LDLRAD4: variants seen among roughly 807,000 people sequenced by gnomAD.
The protein encoded by LDLRAD4 is low density lipoprotein receptor class A domain containing 4, also known as low-density lipoprotein receptor class A domain-containing protein 4.
LDLRAD4 carries 5 observed loss-of-function variants against 17.0 expected under a neutral mutation model. The ratio of observed to expected loss-of-function variants is 0.29; its 90% confidence interval spans 0.15 to 0.62. The LOEUF is 0.62. Among genes scored for constraint, LDLRAD4 ranks in the 20% least tolerant of loss-of-function variants. LDLRAD4 has a pLI of 0.84. For missense variants in LDLRAD4, 340 were observed against 424.7 expected (o/e 0.80, Z 1.75); for synonymous variants, 168 against 171.8 (o/e 0.98, Z 0.17).
In LDLRAD4 at chr18:13,504,758, T is replaced by C. The variant is rs147227632; in HGVS notation, c.181+66374T>C. Reference sequence around the variant, plus strand: ...TTCTGTATTTTTAGAATACACACTTTCTCTTCCGAGAGAGGCATGGGTGTG... The same window carrying C: ...TTCTGTATTTTTAGAATACACACTTCCTCTTCCGAGAGAGGCATGGGTGTG... On this transcript the variant is annotated intron_variant, in intron 3 of 5. Coordinates refer to ENST00000359446, the Ensembl canonical transcript of LDLRAD4. 3.2e-3 allele frequency among the ~76,000 whole-genome samples: 482 copies of C among 152,282 alleles called. 2 individuals are homozygous for C. The highest frequency in any genetic ancestry group is 0.011 in the African/African-American group (466 of 41,564).
At chr18:13,278,670 C>T (rs951871379) in intron 1 of LDLRAD4, among the ~76,000 whole-genome samples, 6 of 151,986 alleles carry the variant, frequency 3.9e-5, no homozygotes, top group Non-Finnish European at 7.4e-5. Context: ...CCATTTTTTT[C>T]CCTATATTTT....
chr18:13,556,926 G>A (rs1363258289), intron 3 of LDLRAD4, among the ~76,000 whole-genome samples: 1 of 152,172 alleles, frequency 6.6e-6, no homozygotes, highest in Non-Finnish European at 1.5e-5. Flanking sequence ...TATAAAGGGT[G>A]ATTAATAGAT....
At chr18:13,640,184 T>A (rs1038066364) in intron 4 of LDLRAD4, among the ~76,000 whole-genome samples, 1 of 150,114 alleles carries the variant, frequency 6.7e-6, no homozygotes, top group Admixed American at 6.7e-5. Context: ...TCCCATCTAC[T>A]CGGTAGGCTG....
At chr18:13,563,421 C>T (rs1173081462) in intron 3 of LDLRAD4, among the ~76,000 whole-genome samples, 1 of 152,132 alleles carries the variant, frequency 6.6e-6, no homozygotes, top group African/African-American at 2.4e-5. Flanking sequence ...TATTGCATGT[C>T]CTGACTCCCC....
rs12232654 is a variant in LDLRAD4 at position 13,436,872 on chromosome 18, G to A, written c.41-1372G>A. ...CATGTTATTCTAAACTAGGTCAGCA[G>A]CTCGGCTGGTTTCTTTTTCTATACT... On this transcript the variant is annotated intron_variant, in intron 2 of 5. Transcript: ENST00000359446. Among the ~76,000 whole-genome samples, 858 of 152,348 alleles carry A rather than the reference G, an allele frequency of 5.6e-3. 26 individuals carry two copies. The East Asian group carries it at 0.11, about 20-fold the overall frequency.
At chr18:13,399,727 C>T (rs1488331955) in intron 2 of LDLRAD4, among the ~76,000 whole-genome samples, 3 of 152,186 alleles carry the variant, frequency 2.0e-5, no homozygotes, top group South Asian at 2.1e-4. Context: ...GCAGCATTAT[C>T]GGAATTCCTG....
At chr18:13,583,405 C>T (rs571669152) in intron 3 of LDLRAD4, among the ~76,000 whole-genome samples, 7 of 152,080 alleles carry the variant, frequency 4.6e-5, no homozygotes, top group Admixed American at 3.3e-4. Flanking sequence ...CTTTTGTTAC[C>T]GAGACCTAGG....
chr18:13,282,617 C>A (rs1008400397), intron 1 of LDLRAD4, among the ~76,000 whole-genome samples: 12 of 152,240 alleles, frequency 7.9e-5, no homozygotes, highest in African/African-American at 2.9e-4. Flanking sequence ...TGGCCTTGGG[C>A]AGCTCCACTC....
chr18:13,325,049 G>A (rs2143513981), intron 1 of LDLRAD4, among the ~76,000 whole-genome samples: 2 of 152,328 alleles, frequency 1.3e-5, no homozygotes, highest in South Asian at 4.1e-4. Flanking sequence ...CAGGGCGGCA[G>A]AGGGATGATT....
chr18:13,552,684 C>A (rs771542946), intron 3 of LDLRAD4, among the ~76,000 whole-genome samples: 1 of 152,270 alleles, frequency 6.6e-6, no homozygotes, highest in Admixed American at 6.5e-5. Context: ...CTCTTTCTTC[C>A]GTGTTGTATC....
chr18:13,613,426 G>A (rs1317717022), intron 3 of LDLRAD4: 2 of 152,184 alleles, frequency 1.3e-5, no homozygotes, highest in Non-Finnish European at 2.9e-5. Context: ...GGAGGTGAGG[G>A]TGGATTTTAA....
At chr18:13,474,446 C>A (rs567031689) in intron 3 of LDLRAD4, among the ~76,000 whole-genome samples, 1 of 152,210 alleles carries the variant, frequency 6.6e-6, no homozygotes, top group Non-Finnish European at 1.5e-5. Context: ...CATTGGGAAG[C>A]GGCTTCCAGC....
intron 3 of LDLRAD4, among the ~76,000 whole-genome samples, chr18:13,567,364 C>G (rs372223391): frequency 1.1e-4 from 17 of 152,310 alleles, no homozygotes; most frequent in African/African-American, 4.1e-4. Context: ...GCTTGTTGAC[C>G]TGGGAGCTCT....
chr18:13,256,547 G>A (rs370328784), intron 1 of LDLRAD4, among the ~76,000 whole-genome samples: 27 of 152,318 alleles, frequency 1.8e-4, no homozygotes, highest in East Asian at 1.2e-3. Flanking sequence ...TTCTTGCTTC[G>A]AGATCAGTAT....
At chr18:13,572,355 T>C (rs1785149) in intron 3 of LDLRAD4, among the ~76,000 whole-genome samples, 95,593 of 152,122 alleles carry the variant, frequency 0.63, 30,995 homozygotes, top group East Asian at 0.89. Flanking sequence ...TGAATGTGAA[T>C]GTCCTCAGCT....
chr18:13,612,964 C>T (rs546203084), intron 3 of LDLRAD4: 74 of 586,084 alleles, frequency 1.3e-4, no homozygotes, highest in Non-Finnish European at 2.7e-5. Flanking sequence ...AGATGCATGT[C>T]AGGCTTTTTC....
chr18:13,614,328 A>T (rs939747080), intron 3 of LDLRAD4: 2 of 152,134 alleles, frequency 1.3e-5, no homozygotes, highest in South Asian at 2.1e-4. Context: ...CTGCACAGGA[A>T]GTCCCCAAAG....
intron 1 of LDLRAD4, among the ~76,000 whole-genome samples, chr18:13,313,908 T>G (rs4797760): frequency 0.47 from 72,061 of 152,088 alleles, 20,315 homozygotes; most frequent in Non-Finnish European, 0.63. Flanking sequence ...ATTTTTATTT[T>G]TATTTTTTGC....
At chr18:13,255,579 G>A (rs1307632725) in intron 1 of LDLRAD4, among the ~76,000 whole-genome samples, 2 of 152,212 alleles carry the variant, frequency 1.3e-5, no homozygotes, top group African/African-American at 2.4e-5. Flanking sequence ...CAGGGTCCAG[G>A]TGGGATGGGA....
Sources: gnomAD v4.1 joint callset for allele counts (sites outside exome capture counted in the v4.1 genomes callset) on GRCh38, gnomAD v4.1.1 for gene constraint, MANE v1.5 for transcripts, NCBI Gene and HGNC (gene_info 2026-07-23, HGNC 2026-07-21) for gene names.